The following GRID1 variants were observed in gnomAD, a reference collection of about 807,000 sequenced individuals.
GRID1 encodes glutamate receptor ionotropic, delta-1.
A neutral mutation model predicts 98.0 loss-of-function variants in GRID1; 28 were observed. That is an observed-to-expected ratio of 0.29 (90% CI 0.21 to 0.39). GRID1 has a LOEUF of 0.39. Among genes scored for constraint, GRID1 ranks in the 10% least tolerant of loss-of-function variants. GRID1 has a pLI of 1.00. For missense variants in GRID1, 1,111 were observed against 1,340.5 expected (o/e 0.83, Z 2.67); for synonymous variants, 553 against 538.5 (o/e 1.03, Z -0.37).
intron 12 of GRID1, among the ~76,000 whole-genome samples, chr10:85,705,109 T>C (rs1052731353): frequency 2.0e-5 from 3 of 151,724 alleles, no homozygotes; most frequent in African/African-American, 7.3e-5. Flanking sequence ...AGGCAAGAAA[T>C]AACTAAGATC....
intron 12 of GRID1, among the ~76,000 whole-genome samples, chr10:85,677,423 A>G (rs917602718): frequency 5.9e-5 from 9 of 152,126 alleles, no homozygotes; most frequent in African/African-American, 9.7e-5. Flanking sequence ...ATGCATCAAT[A>G]TGGGGAATTG....
At chr10:86,332,311 AG>A (rs1334920617) in intron 2 of GRID1, among the ~76,000 whole-genome samples, 1 of 152,142 alleles carries the variant, frequency 6.6e-6, no homozygotes, top group African/African-American at 2.4e-5. Context: ...GGAGAGGAAG[AG>A]GATGCATTCC....
At chr10:85,751,821 C>T (rs1361513367) in intron 8 of GRID1, among the ~76,000 whole-genome samples, 1 of 152,004 alleles carries the variant, frequency 6.6e-6, no homozygotes, top group Admixed American at 6.5e-5. Context: ...ATTTAAAAAA[C>T]TTTCCATAAT....
intron 2 of GRID1, among the ~76,000 whole-genome samples, chr10:86,248,283 G>A (rs1424255929): frequency 6.6e-6 from 1 of 152,184 alleles, no homozygotes; most frequent in African/African-American, 2.4e-5. Flanking sequence ...TGAGCACTGA[G>A]GCCCCACGCA....
intron 2 of GRID1, among the ~76,000 whole-genome samples, chr10:86,351,557 G>A (rs1213032624): frequency 1.3e-5 from 2 of 152,306 alleles, no homozygotes; most frequent in South Asian, 2.1e-4. Flanking sequence ...AGGACTAAAG[G>A]AGCCAGTGTA....
chr10:85,927,260 G>C (rs2131830405), intron 4 of GRID1, among the ~76,000 whole-genome samples: 1 of 152,318 alleles, frequency 6.6e-6, no homozygotes, highest in South Asian at 2.1e-4. Flanking sequence ...GCATCATCTG[G>C]CCTGAGAACC....
chr10:86,346,382 C>T (rs1049564433), intron 2 of GRID1, among the ~76,000 whole-genome samples: 33 of 152,234 alleles, frequency 2.2e-4, no homozygotes, highest in African/African-American at 8.0e-4. Context: ...GGCAGAGCTG[C>T]CATAGCCTTA....
intron 4 of GRID1, among the ~76,000 whole-genome samples, chr10:85,938,740 T>C (rs976522959): frequency 1.3e-5 from 2 of 152,158 alleles, no homozygotes; most frequent in Non-Finnish European, 2.9e-5. Flanking sequence ...AACAATAGAT[T>C]AGAAACAGGC....
intron 5 of GRID1, among the ~76,000 whole-genome samples, chr10:85,886,169 A>AT (rs1337431000): frequency 1.3e-5 from 2 of 152,150 alleles, no homozygotes; most frequent in East Asian, 3.9e-4. Flanking sequence ...TCCATGCTGG[A>AT]TTTTTTAGAT....
intron 5 of GRID1, among the ~76,000 whole-genome samples, chr10:85,909,500 G>A (rs922159367): frequency 2.0e-5 from 3 of 152,268 alleles, no homozygotes; most frequent in African/African-American, 7.2e-5. Context: ...CAACCCAAAT[G>A]TCCATCAACA....
intron 4 of GRID1, among the ~76,000 whole-genome samples, chr10:85,983,649 G>A (rs1842573013): frequency 6.6e-6 from 1 of 152,126 alleles, no homozygotes; most frequent in Non-Finnish European, 1.5e-5. Context: ...CTGGGCCAGG[G>A]TGTCACATCC....
chr10:86,151,550 T>C (rs1447792499), intron 3 of GRID1, among the ~76,000 whole-genome samples: 1 of 152,154 alleles, frequency 6.6e-6, no homozygotes, highest in Admixed American at 6.5e-5. Flanking sequence ...GAAAACATGA[T>C]GCATGCCATT....
At chr10:85,730,982 GAGA>G (rs1260432553) in intron 8 of GRID1, among the ~76,000 whole-genome samples, 3 of 152,150 alleles carry the variant, frequency 2.0e-5, no homozygotes, top group South Asian at 2.1e-4. Flanking sequence ...TTAACCTGAA[GAGA>G]AGAAGAACTC....
chr10:86,265,787 T>G (rs1847094651), intron 2 of GRID1, among the ~76,000 whole-genome samples: 1 of 152,180 alleles, frequency 6.6e-6, no homozygotes, highest in Non-Finnish European at 1.5e-5. Context: ...TGCTCCTGGT[T>G]AGGCATCAAA....
At chr10:85,844,519 G>A (rs956783464) in intron 8 of GRID1, among the ~76,000 whole-genome samples, 11 of 151,506 alleles carry the variant, frequency 7.3e-5, no homozygotes, top group Middle Eastern at 3.2e-3. Context: ...TTGTATCAAT[G>A]TCAGTATCCT....
At chr10:85,906,826 G>C (rs1005503630) in intron 5 of GRID1, among the ~76,000 whole-genome samples, 2 of 151,612 alleles carry the variant, frequency 1.3e-5, no homozygotes, top group Non-Finnish European at 2.9e-5. Flanking sequence ...GGGGAAAAAA[G>C]AGCAAATTAA....
intron 5 of GRID1, among the ~76,000 whole-genome samples, chr10:85,904,914 G>T (rs1023239283): frequency 2.0e-5 from 3 of 152,036 alleles, no homozygotes; most frequent in Non-Finnish European, 4.4e-5. Context: ...AGAGGATATG[G>T]AGGCAGAAAA....
At chr10:86,346,229 G>A (rs530574364) in intron 2 of GRID1, among the ~76,000 whole-genome samples, 4 of 152,332 alleles carry the variant, frequency 2.6e-5, no homozygotes, top group South Asian at 2.1e-4. Flanking sequence ...CACCGTCTCC[G>A]CCCCAGCCCA....
intron 2 of GRID1, among the ~76,000 whole-genome samples, chr10:86,341,943 G>C (rs1006896888): frequency 3.3e-5 from 5 of 152,192 alleles, no homozygotes; most frequent in Non-Finnish European, 5.9e-5. Flanking sequence ...CCCAGGGATT[G>C]GGATTTTTAG....
Sources: gnomAD v4.1 joint callset for allele counts (sites outside exome capture counted in the v4.1 genomes callset) on GRCh38, gnomAD v4.1.1 for gene constraint, MANE v1.5 for transcripts, NCBI Gene and HGNC (gene_info 2026-07-23, HGNC 2026-07-21) for gene names.